KIAA1958: variants seen among roughly 807,000 people sequenced by gnomAD.
KIAA1958 encodes the protein uncharacterized protein KIAA1958.
In KIAA1958, 14 loss-of-function variants were observed where a neutral mutation model predicts 47.2. That is an observed-to-expected ratio of 0.30 (90% CI 0.20 to 0.46). KIAA1958 has a LOEUF of 0.46. Ranked by LOEUF, KIAA1958 falls within the 20% of genes least tolerant of loss-of-function variation. The pLI is 1.00. For synonymous variants in KIAA1958, 354 were observed against 353.3 expected (o/e 1.00, Z -0.02); for missense variants, 803 against 909.2 (o/e 0.88, Z 1.50).
intron 2 of KIAA1958, among the ~76,000 whole-genome samples, chr9:112,581,339 A>G (rs1033855102): frequency 3.9e-5 from 6 of 152,238 alleles, no homozygotes; most frequent in Non-Finnish European, 7.3e-5. Context: ...TATTTTCATC[A>G]TCATCATCAT....
At chr9:112,544,412 G>A (rs1834995026) in intron 1 of KIAA1958, among the ~76,000 whole-genome samples, 1 of 152,062 alleles carries the variant, frequency 6.6e-6, no homozygotes, top group African/African-American at 2.4e-5. Flanking sequence ...AAATTCAGTG[G>A]GAATAGGGAC....
intron 2 of KIAA1958, among the ~76,000 whole-genome samples, chr9:112,596,747 G>A (rs1211206917): frequency 6.6e-6 from 1 of 152,092 alleles, no homozygotes; most frequent in Non-Finnish European, 1.5e-5. Context: ...ATTTATTATA[G>A]CTTTGTGCAT....
At chr9:112,517,148 ATT>A (rs766995604) in intron 1 of KIAA1958, among the ~76,000 whole-genome samples, 145,084 of 151,466 alleles carry the variant, frequency 0.96, 69,567 homozygotes, top group African/African-American at 0.99. Context: ...TAATATATTA[ATT>A]CCATATATTA....
intron 2 of KIAA1958, among the ~76,000 whole-genome samples, chr9:112,603,798 A>G (rs1392072639): frequency 6.6e-6 from 1 of 152,244 alleles, no homozygotes; most frequent in Non-Finnish European, 1.5e-5. Context: ...TGTGGATTAA[A>G]TATTTATCTC....
intron 2 of KIAA1958, among the ~76,000 whole-genome samples, chr9:112,637,674 C>T (rs904430067): frequency 2.0e-5 from 3 of 152,002 alleles, no homozygotes; most frequent in South Asian, 2.1e-4. Flanking sequence ...CTGCACCTGG[C>T]CTTACCTTTA....
intron 1 of KIAA1958, among the ~76,000 whole-genome samples, chr9:112,539,949 CCAAAGT>C (rs1296548086): frequency 6.6e-6 from 1 of 152,076 alleles, no homozygotes; most frequent in Non-Finnish European, 1.5e-5. Flanking sequence ...CCTCAGCTTC[CCAAAGT>C]ACTAGGATTA....
chr9:112,622,013 G>A (rs1055982070), intron 2 of KIAA1958, among the ~76,000 whole-genome samples: 5 of 152,170 alleles, frequency 3.3e-5, no homozygotes, highest in Middle Eastern at 3.4e-3. Context: ...AAGTGCTGGC[G>A]TTATCTCTTG....
At position 112,666,435 on chromosome 9, in the gene KIAA1958, T is replaced by C. The variant is rs1837351721; in HGVS notation, c.*6366T>C. On this transcript the variant is annotated 3_prime_UTR_variant, in exon 4 of 4. Transcript: ENST00000337530. ...CCAAGATCAGCCAAACAATAAGTAA[T>C]AGATTCAGGACTAGAGAGTTAGTCC... is the stretch of plus-strand genomic sequence containing the variant. 6.6e-6 allele frequency: 1 copy of C among 152,156 alleles called. No individual in the cohort carries two copies. The highest frequency in any genetic ancestry group is 2.1e-4 in the South Asian group (1 of 4,834). 9.4% of individuals were successfully genotyped at this position (152,156 alleles called of 1,614,324 possible). A position where few individuals can be genotyped will look rare whatever the true frequency, so the allele number is the denominator to read the frequency against.
At position 112,659,827 on chromosome 9, in the gene KIAA1958, A is replaced by T. The variant is rs1422283277; in HGVS notation, c.1909A>T (p.Met637Leu). The T allele has an allele frequency of 6.2e-7, 1 of 1,614,012 alleles. No homozygotes were observed. The highest frequency in any genetic ancestry group is 2.2e-5 in the East Asian group (1 of 44,868). The change falls in exon 4 of 4, where the codon ATG becomes TTG. Residue 637 changes from methionine to leucine, a missense_variant. By Grantham distance (15) the Met-to-Leu change is conservative. Around this residue, in one of 2 missense-constraint regions of KIAA1958, gnomAD observed 761 missense variants for 829.3 expected, o/e 0.92. Coordinates refer to ENST00000337530, the MANE Select transcript of KIAA1958 (RefSeq NM_133465.4). ...QCPYCLLYKY[M>L]YIHRPPTQME... ...CCCTTACTGCCTCCTCTACAAGTAC[A>T]TGTACATCCACCGGCCGCCCACCCA...
intron 1 of KIAA1958, among the ~76,000 whole-genome samples, chr9:112,503,366 A>G (rs546296858): frequency 9.9e-5 from 15 of 152,266 alleles, no homozygotes; most frequent in African/African-American, 3.1e-4. Flanking sequence ...AAGAATTTCA[A>G]GAGCTGGCTG....
chr9:112,593,296 C>A (rs928386328), intron 2 of KIAA1958, among the ~76,000 whole-genome samples: 2 of 152,150 alleles, frequency 1.3e-5, no homozygotes. Flanking sequence ...ACATCAGTAA[C>A]CCCCTTGAAT....
chr9:112,497,831 A>G (rs1044749875), intron 1 of KIAA1958, among the ~76,000 whole-genome samples: 1 of 152,132 alleles, frequency 6.6e-6, no homozygotes, highest in Non-Finnish European at 1.5e-5. Context: ...ACATATTTGT[A>G]TGATTAGATT....
In KIAA1958 at chr9:112,659,657, A is replaced by C; in HGVS notation, c.1739A>C (p.Tyr580Ser). The C allele has an allele frequency of 6.2e-7, 1 of 1,614,196 alleles. No individual in the cohort carries two copies. ...CTGCAGGAGCATGCGGATCTGATGTATGGTGACATCGAGCTGCTCAAAGAC... is the reference window on the plus strand; with the variant it reads ...CTGCAGGAGCATGCGGATCTGATGTCTGGTGACATCGAGCTGCTCAAAGAC... ...RTLQEHADLM[Y>S]GDIELLKDPQ... Residue 580 changes from tyrosine (Y) to serine (S), a missense_variant, in exon 4 of 4, where the codon TAT becomes TCT. Around this residue, in one of 2 missense-constraint regions of KIAA1958, gnomAD observed 761 missense variants for 829.3 expected, o/e 0.92. Coordinates refer to ENST00000337530, the MANE Select transcript of KIAA1958 (RefSeq NM_133465.4).
chr9:112,561,221 A>C (rs1466937642), intron 1 of KIAA1958, among the ~76,000 whole-genome samples: 2 of 151,498 alleles, frequency 1.3e-5, no homozygotes, highest in African/African-American at 4.9e-5. Context: ...CACCCGGCTA[A>C]TTTTTTGTAT....
At chr9:112,605,302 A>AT (rs1280721741) in intron 2 of KIAA1958, among the ~76,000 whole-genome samples, 5 of 151,940 alleles carry the variant, frequency 3.3e-5, no homozygotes, top group Admixed American at 2.0e-4. Context: ...ACAAACTATG[A>AT]TTTTTTGCTG....
chr9:112,651,669 T>G (rs1028086623), intron 3 of KIAA1958, among the ~76,000 whole-genome samples: 10 of 152,210 alleles, frequency 6.6e-5, no homozygotes, highest in African/African-American at 2.2e-4. Flanking sequence ...GTGCTGGGAT[T>G]ACAGGTGTGA....
At chr9:112,537,738 G>A (rs896634387) in intron 1 of KIAA1958, among the ~76,000 whole-genome samples, 5 of 152,192 alleles carry the variant, frequency 3.3e-5, no homozygotes, top group Non-Finnish European at 7.3e-5. Context: ...TTCTTTGGCA[G>A]TTATTTCAGT....
intron 1 of KIAA1958, among the ~76,000 whole-genome samples, chr9:112,561,510 A>T (rs1194777705): frequency 6.6e-6 from 1 of 152,140 alleles, no homozygotes; most frequent in Non-Finnish European, 1.5e-5. Flanking sequence ...CCACTGTCAT[A>T]CAATATTTAT....
At chr9:112,550,101 A>T (rs975501955) in intron 1 of KIAA1958, among the ~76,000 whole-genome samples, 5 of 150,878 alleles carry the variant, frequency 3.3e-5, no homozygotes, top group African/African-American at 1.2e-4. Context: ...TTGAGAGGTA[A>T]GCCTGGCAAT....
Sources: allele counts gnomAD v4.1 joint callset (sites outside exome capture counted in the v4.1 genomes callset), GRCh38; gene constraint gnomAD v4.1.1; regional missense constraint gnomAD v4.1.1; transcripts MANE v1.5; gene names NCBI Gene and HGNC (gene_info 2026-07-23, HGNC 2026-07-21).